RBFOX1: variants seen among roughly 807,000 people sequenced by gnomAD.
RBFOX1 encodes the protein RNA binding fox-1 homolog 1, also known as RNA binding protein fox-1 homolog 1.
A neutral mutation model predicts 57.7 loss-of-function variants in RBFOX1; 8 were observed. The observed-to-expected ratio is 0.14, with a 90% CI of 0.08 to 0.25. The LOEUF (loss-of-function observed/expected upper bound fraction) is 0.25. Ranked by LOEUF, RBFOX1 falls within the 10% of genes least tolerant of loss-of-function variation. RBFOX1 has a pLI of 1.00. For missense variants in RBFOX1, 611 were observed against 548.5 expected, an observed-to-expected ratio of 1.11 and a Z score of -1.14; for synonymous variants, 326 against 222.4, an observed-to-expected ratio of 1.47 and a Z score of -4.15.
intron 2 of RBFOX1, among the ~76,000 whole-genome samples, chr16:6,364,740 C>T (rs2089252339): frequency 6.6e-6 from 1 of 152,122 alleles, no homozygotes; most frequent in Non-Finnish European, 1.5e-5. Flanking sequence ...CATTTAAACC[C>T]CACAAATATC....
At chr16:6,273,042 C>A (rs1279377714) in intron 1 of RBFOX1, among the ~76,000 whole-genome samples, 2 of 151,950 alleles carry the variant, frequency 1.3e-5, no homozygotes, top group East Asian at 3.9e-4. Flanking sequence ...GGTGAGTCAC[C>A]CGAGGTCAGG....
intron 3 of RBFOX1, among the ~76,000 whole-genome samples, chr16:5,825,375 T>C (rs2056000813): frequency 6.6e-6 from 1 of 152,166 alleles, no homozygotes; most frequent in Admixed American, 6.5e-5. Context: ...ACCTTCATGC[T>C]CATTTCCTGT....
rs148662077 is a variant in RBFOX1 at position 7,434,297 on chromosome 16, C to G, written c.28-83850C>G. Among the ~76,000 whole-genome samples the G allele has an allele frequency of 2.5e-3, 380 of 152,080 alleles. 2 individuals are homozygous for G. The highest frequency in any genetic ancestry group is 8.8e-3 in the African/African-American group (364 of 41,492). ...CCATCCTGGCTAACACGGTGAAACCCCGTCTCTACTAAAAATACAAAAAAA... is the reference window on the plus strand; with the variant it reads ...CCATCCTGGCTAACACGGTGAAACCGCGTCTCTACTAAAAATACAAAAAAA... On this transcript the variant is annotated intron_variant, in intron 4 of 15. Coordinates refer to ENST00000550418, the MANE Select transcript of RBFOX1 (RefSeq NM_018723.4).
intron 3 of RBFOX1, among the ~76,000 whole-genome samples, chr16:6,660,333 C>A (rs1279158851): frequency 1.3e-5 from 2 of 152,028 alleles, no homozygotes; most frequent in African/African-American, 4.8e-5. Flanking sequence ...TGCAGCCAAC[C>A]ACTATGACAC....
At chr16:6,626,432 C>G (rs1468244103) in intron 2 of RBFOX1, among the ~76,000 whole-genome samples, 2 of 152,062 alleles carry the variant, frequency 1.3e-5, no homozygotes, top group African/African-American at 4.8e-5. Flanking sequence ...TCAACCAAGG[C>G]AAAAATAGAT....
chr16:5,348,061 A>T (rs1271036752), intron 1 of RBFOX1, among the ~76,000 whole-genome samples: 10 of 108,442 alleles, frequency 9.2e-5, no homozygotes, highest in African/African-American at 3.7e-4. Context: ...CCTTCCACTC[A>T]GTCACCCTCT....
chr16:5,781,321 C>G (rs570390778), intron 3 of RBFOX1, among the ~76,000 whole-genome samples: 9 of 152,176 alleles, frequency 5.9e-5, no homozygotes, highest in African/African-American at 1.9e-4. Context: ...CTCCTCTTGA[C>G]TCTATTGACT....
chr16:6,825,229 C>G (rs1183128168), intron 3 of RBFOX1, among the ~76,000 whole-genome samples: 3 of 150,460 alleles, frequency 2.0e-5, no homozygotes, highest in African/African-American at 4.9e-5. Context: ...AGCAATTAAC[C>G]TCACTGCCCT....
intron 4 of RBFOX1, among the ~76,000 whole-genome samples, chr16:7,212,694 C>G (rs1464542193): frequency 2.0e-5 from 3 of 152,116 alleles, no homozygotes; most frequent in African/African-American, 7.2e-5. Context: ...ATAACTTACG[C>G]TACATGAGGA....
In RBFOX1 at chr16:6,455,049, ATTT is replaced by A. The variant is rs34643206; in HGVS notation, c.-64+138007_-64+138009del. Among the ~76,000 whole-genome samples, 390 of 142,426 alleles carry A rather than the reference ATTT, an allele frequency of 2.7e-3. 8 individuals carry two copies. Among genetic ancestry groups the A allele is most frequent in the Middle Eastern group, 3.7e-3 (1 of 272 alleles). The allele number at this position is 142,426 out of a possible 152,430, so 93.4% of individuals were successfully genotyped here. A position where few individuals can be genotyped will look rare whatever the true frequency, so the allele number is the denominator to read the frequency against. On this transcript the variant is annotated intron_variant, in intron 2 of 15. Transcript: ENST00000550418. ...AGGCACCCACTACCATGCCTGGCTA[ATTT>A]TTTTTTTTTTTTTTGTATTTTTAGT...
intron 1 of RBFOX1, among the ~76,000 whole-genome samples, chr16:5,293,060 C>T (rs576818190): frequency 6.6e-6 from 1 of 152,098 alleles, no homozygotes; most frequent in African/African-American, 2.4e-5. Flanking sequence ...GTGGCTCATG[C>T]CTGTAATGCC....
chr16:6,454,329 G>C (rs11864615), intron 2 of RBFOX1, among the ~76,000 whole-genome samples: 1 of 152,134 alleles, frequency 6.6e-6, no homozygotes, highest in African/African-American at 2.4e-5. Context: ...GGTCAAGGCA[G>C]GTGAATCTCT....
At position 6,345,946 on chromosome 16, in the gene RBFOX1, C is replaced by G. The variant is rs556241354; in HGVS notation, c.-64+28889C>G. ...AAGGCAGGACAACTCGAAACAAAGGCAGGAAGACTCAAAGCGGGGAGGGGG... is the reference window on the plus strand; with the variant it reads ...AAGGCAGGACAACTCGAAACAAAGGGAGGAAGACTCAAAGCGGGGAGGGGG... On this transcript the variant is annotated intron_variant, in intron 2 of 15. Transcript: ENST00000550418. 2.0e-5 allele frequency among the ~76,000 whole-genome samples: 3 copies of G among 152,202 alleles called. No individual in the cohort carries two copies. In the East Asian group the frequency reaches 5.8e-4, roughly 29 times the overall value.
At chr16:6,149,078 A>T (rs2096779444) in intron 1 of RBFOX1, among the ~76,000 whole-genome samples, 1 of 152,220 alleles carries the variant, frequency 6.6e-6, no homozygotes, top group Non-Finnish European at 1.5e-5. Context: ...TACTTTGCAA[A>T]TTTAATGAAA....
intron 3 of RBFOX1, among the ~76,000 whole-genome samples, chr16:5,809,256 G>C (rs1273427200): frequency 6.6e-6 from 1 of 152,122 alleles, no homozygotes; most frequent in Non-Finnish European, 1.5e-5. Context: ...TCAGGACATA[G>C]GCACAGGCAA....
chr16:6,206,474 C>T (rs761228234), intron 1 of RBFOX1, among the ~76,000 whole-genome samples: 8 of 152,140 alleles, frequency 5.3e-5, no homozygotes, highest in African/African-American at 7.2e-5. Flanking sequence ...TTTTGTCATC[C>T]GCTTTCCTCA....
At chr16:5,284,144 C>T (rs117157507) in intron 1 of RBFOX1, among the ~76,000 whole-genome samples, 1 of 152,180 alleles carries the variant, frequency 6.6e-6, no homozygotes, top group Non-Finnish European at 1.5e-5. Flanking sequence ...TCCATGTGAG[C>T]CATGACTTGC....
intron 4 of RBFOX1, among the ~76,000 whole-genome samples, chr16:7,484,742 G>A (rs917316757): frequency 1.3e-5 from 2 of 152,196 alleles, no homozygotes; most frequent in Admixed American, 1.3e-4. Flanking sequence ...GGGATGACAG[G>A]CATAAGCCAC....
At chr16:6,962,384 C>G (rs1260439591) in intron 3 of RBFOX1, among the ~76,000 whole-genome samples, 1 of 152,156 alleles carries the variant, frequency 6.6e-6, no homozygotes, top group Non-Finnish European at 1.5e-5. Context: ...AGGACTTCGA[C>G]TTATCTTTTT....
Sources: allele counts gnomAD v4.1 joint callset (sites outside exome capture counted in the v4.1 genomes callset), GRCh38; gene constraint gnomAD v4.1.1; transcripts MANE v1.5; gene names NCBI Gene and HGNC (gene_info 2026-07-23, HGNC 2026-07-21).